The following KAZN variants were observed in gnomAD, a reference collection of about 807,000 sequenced individuals.
KAZN encodes the protein kazrin, periplakin interacting protein.
In KAZN, 40 loss-of-function variants were observed where a neutral mutation model predicts 87.4. The ratio of observed to expected loss-of-function variants is 0.46; its 90% confidence interval spans 0.36 to 0.60. KAZN has a LOEUF of 0.60. Among genes scored for constraint, KAZN ranks in the 20% least tolerant of loss-of-function variants. The pLI, the probability that KAZN is intolerant of heterozygous loss-of-function variation, is 0.00. For synonymous variants in KAZN, 466 were observed against 458.3 expected (o/e 1.02, Z -0.22); for missense variants, 898 against 1,073.9 (o/e 0.84, Z 2.29).
intron 1 of KAZN, among the ~76,000 whole-genome samples, chr1:14,718,839 C>A (rs1346741955): frequency 2.0e-5 from 3 of 152,182 alleles, no homozygotes; most frequent in Non-Finnish European, 4.4e-5. Flanking sequence ...AGGGCTGGAT[C>A]CTTAGGGGAC....
At chr1:14,553,780 C>T (rs1433629515) in intron 2 of KAZN, among the ~76,000 whole-genome samples, 4 of 152,178 alleles carry the variant, frequency 2.6e-5, no homozygotes. Flanking sequence ...TGTCAGGCGC[C>T]AGGGCAGCAA....
In KAZN at chr1:14,924,816, G is replaced by A. The variant is rs188002617; in HGVS notation, c.227-35868G>A. 5.5e-3 allele frequency among the ~76,000 whole-genome samples: 840 copies of A among 152,250 alleles called. 7 individuals carry two copies. The highest frequency in any genetic ancestry group is 0.019 in the African/African-American group (794 of 41,574). On this transcript the variant is annotated intron_variant, in intron 1 of 14. Transcript: ENST00000376030. Reference sequence around the variant, plus strand: ...CCGGGGGGCCAGGACCGCGCTTGCCGGAGCCAGGCGATCCCGCGGCGCCTG... The same window carrying A: ...CCGGGGGGCCAGGACCGCGCTTGCCAGAGCCAGGCGATCCCGCGGCGCCTG...
chr1:14,186,364 C>A (rs1269485795), intron 2 of KAZN, among the ~76,000 whole-genome samples: 1 of 152,070 alleles, frequency 6.6e-6, no homozygotes, highest in African/African-American at 2.4e-5. Context: ...CAACAGAGAC[C>A]AGCTCTGATA....
chr1:14,174,367 T>G (rs377523188), intron 1 of KAZN, among the ~76,000 whole-genome samples: 38 of 152,328 alleles, frequency 2.5e-4, no homozygotes, highest in African/African-American at 8.7e-4. Context: ...CAACGTGATG[T>G]TGCTCAGTAG....
intron 2 of KAZN, among the ~76,000 whole-genome samples, chr1:14,362,876 AT>A (rs1659638350): frequency 6.6e-6 from 1 of 152,052 alleles, no homozygotes; most frequent in East Asian, 1.9e-4. Context: ...TCTCTATTTC[AT>A]CCTTTGGAGT....
intron 2 of KAZN, among the ~76,000 whole-genome samples, chr1:14,538,733 C>T (rs1672642750): frequency 6.6e-6 from 1 of 152,208 alleles, no homozygotes. Flanking sequence ...TATAAGGCTA[C>T]AGGAAAGAAA....
chr1:14,575,755 C>T (rs1189290952), intron 2 of KAZN, among the ~76,000 whole-genome samples: 4 of 152,098 alleles, frequency 2.6e-5, no homozygotes, highest in Non-Finnish European at 5.9e-5. Flanking sequence ...GGAACCTGGT[C>T]GTTCATCTAT....
rs146070347 is a variant in KAZN at position 15,101,079 on chromosome 1, G to A, written c.1548-464G>A. Among the ~76,000 whole-genome samples the A allele has an allele frequency of 2.6e-4, 39 of 152,026 alleles. 1 individual carries two copies. The East Asian group carries it at 5.1e-3, about 20-fold the overall frequency. Reference sequence around the variant, plus strand: ...CCCGCCCCTGCGCCTTCTCACCCTCGCTGCGTCTGAGTGTGGGATTCTCTC... The same window carrying A: ...CCCGCCCCTGCGCCTTCTCACCCTCACTGCGTCTGAGTGTGGGATTCTCTC... On this transcript the variant is annotated intron_variant, in intron 10 of 14. Coordinates refer to ENST00000376030, the MANE Select transcript of KAZN (RefSeq NM_201628.3).
At chr1:14,018,191 G>C (rs1640657739) in intron 1 of KAZN, among the ~76,000 whole-genome samples, 2 of 152,084 alleles carry the variant, frequency 1.3e-5, no homozygotes, top group African/African-American at 4.8e-5. Flanking sequence ...CTTTTATAAT[G>C]TGTCTGAGCT....
At chr1:14,075,176 TA>T (rs1231998563) in intron 1 of KAZN, among the ~76,000 whole-genome samples, 2 of 152,224 alleles carry the variant, frequency 1.3e-5, no homozygotes, top group African/African-American at 4.8e-5. Flanking sequence ...CTGGTCTTTT[TA>T]GTGTAACATT....
chr1:14,189,505 C>T (rs976402805), intron 2 of KAZN, among the ~76,000 whole-genome samples: 50 of 152,112 alleles, frequency 3.3e-4, no homozygotes, highest in African/African-American at 8.4e-4. Flanking sequence ...TCTGCTAATA[C>T]GGACAGGCTT....
At chr1:14,204,835 C>T (rs1179882583) in intron 2 of KAZN, among the ~76,000 whole-genome samples, 2 of 152,232 alleles carry the variant, frequency 1.3e-5, no homozygotes, top group African/African-American at 4.8e-5. Context: ...AATATTGGAA[C>T]TCAGTTCTGC....
chr1:14,717,547 T>C, intron 1 of KAZN, among the ~76,000 whole-genome samples: 1 of 152,194 alleles, frequency 6.6e-6, no homozygotes, highest in African/African-American at 2.4e-5. Context: ...TCCTTTTTCC[T>C]GTCTCATAGA....
chr1:13,905,833 A>T (rs1639416526), intron 1 of KAZN, among the ~76,000 whole-genome samples: 1 of 152,184 alleles, frequency 6.6e-6, no homozygotes, highest in Non-Finnish European at 1.5e-5. Context: ...ACAAATTACC[A>T]CAACCTCGGT....
At chr1:14,330,058 C>G (rs369313833) in intron 2 of KAZN, among the ~76,000 whole-genome samples, 20 of 152,292 alleles carry the variant, frequency 1.3e-4, no homozygotes, top group African/African-American at 4.6e-4. Flanking sequence ...AAGCTCCTGA[C>G]AGCTGTGTGG....
intron 1 of KAZN, among the ~76,000 whole-genome samples, chr1:13,955,881 G>A (rs1346096502): frequency 6.6e-6 from 1 of 152,144 alleles, no homozygotes; most frequent in African/African-American, 2.4e-5. Context: ...CCTCTGGGGT[G>A]GGCCATCTTC....
chr1:14,586,501 T>G (rs1675852906), intron 2 of KAZN, among the ~76,000 whole-genome samples: 1 of 151,330 alleles, frequency 6.6e-6, no homozygotes, highest in Non-Finnish European at 1.5e-5. Flanking sequence ...CCTGTTTGAC[T>G]AAGCATGAAC....
intron 1 of KAZN, among the ~76,000 whole-genome samples, chr1:13,979,703 C>T (rs936764470): frequency 2.0e-5 from 3 of 152,082 alleles, no homozygotes; most frequent in Admixed American, 6.5e-5. Flanking sequence ...CCGAGGCGGG[C>T]GGATCACAAG....
chr1:13,991,168 T>G (rs996177101), intron 1 of KAZN, among the ~76,000 whole-genome samples: 2 of 152,086 alleles, frequency 1.3e-5, no homozygotes, highest in Non-Finnish European at 2.9e-5. Flanking sequence ...AGGCTTCTGT[T>G]GTGTAGCATT....
Sources: allele counts gnomAD v4.1 joint callset (sites outside exome capture counted in the v4.1 genomes callset), GRCh38; gene constraint gnomAD v4.1.1; transcripts MANE v1.5; gene names NCBI Gene and HGNC (gene_info 2026-07-23, HGNC 2026-07-21).